The following CLVS1 variants were observed in gnomAD, a reference collection of about 807,000 sequenced individuals.
CLVS1 encodes the protein clavesin 1.
CLVS1 carries 10 observed loss-of-function variants against 33.1 expected under a neutral mutation model. The observed-to-expected ratio is 0.30, with a 90% CI of 0.19 to 0.51. CLVS1 has a LOEUF of 0.51. Among genes scored for constraint, CLVS1 ranks in the 20% least tolerant of loss-of-function variants. The pLI, the probability that CLVS1 is intolerant of heterozygous loss-of-function variation, is 0.97. For missense variants in CLVS1, 343 were observed against 433.4 expected (o/e 0.79, Z 1.85); for synonymous variants, 163 against 166.1 (o/e 0.98, Z 0.14).
chr8:61,026,026 C>G, the CLVS1 span, among the ~76,000 whole-genome samples: 15 of 151,946 alleles, frequency 9.9e-5, no homozygotes, highest in East Asian at 3.9e-4. Context: ...GTCCCACCCC[C>G]CTTCCCTCCC....
chr8:60,990,418 T>C, the CLVS1 span, among the ~76,000 whole-genome samples: 1 of 152,176 alleles, frequency 6.6e-6, no homozygotes, highest in Non-Finnish European at 1.5e-5. Context: ...ACAGATAAAA[T>C]GACATGATGT....
chr8:61,376,683 T>C lies in CLVS1; in HGVS notation c.534T>C (p.Asn178=). The change falls in exon 3 of 6, where the codon AAT becomes AAC. Residue 178 remains asparagine (N), a synonymous_variant. Coordinates refer to ENST00000325897, the MANE Select transcript of CLVS1 (RefSeq NM_173519.3). ...TCGAAGATCCGGAGCTTCAGATAAATGGCTTCATTTTAATTATAGACTGGA... is the reference window on the plus strand; with the variant it reads ...TCGAAGATCCGGAGCTTCAGATAAACGGCTTCATTTTAATTATAGACTGGA... The part of the protein sequence containing the change: ...VLIEDPELQI[N]GFILIIDWSN... The C allele has an allele frequency of 6.2e-7, 1 of 1,614,142 alleles. No homozygotes were observed. The highest frequency in any genetic ancestry group is 2.2e-5 in the East Asian group (1 of 44,872).
intron 2 of CLVS1, among the ~76,000 whole-genome samples, chr8:61,144,420 A>G (rs1249209400): frequency 3.3e-5 from 5 of 152,050 alleles, no homozygotes; most frequent in Non-Finnish European, 1.5e-5. Context: ...CATGGTGTAT[A>G]TGTGCCACAT....
At chr8:61,475,818 A>G (rs1817904746) in intron 5 of CLVS1, among the ~76,000 whole-genome samples, 1 of 152,048 alleles carries the variant, frequency 6.6e-6, no homozygotes, top group South Asian at 2.1e-4. Flanking sequence ...CCATTTGTCA[A>G]TTTTGTCTTT....
chr8:61,232,023 G>GTTTGTTTGTTTGTTTGTTTGTTTGTTTGT, intron 2 of CLVS1, among the ~76,000 whole-genome samples: 3 of 62,628 alleles, frequency 4.8e-5, no homozygotes, highest in African/African-American at 1.4e-4. Flanking sequence ...GAAAGTTGTG[G>GTTTGTTTGTTTGTTTGTTTGTTTGTTTGT]TTTTTTTTTT....
At chr8:61,308,344 C>T (rs2978565) in intron 2 of CLVS1, among the ~76,000 whole-genome samples, 8,778 of 152,198 alleles carry the variant, frequency 0.058, 343 homozygotes, top group Non-Finnish European at 0.087. Context: ...ACAAGCTCAT[C>T]CCAAAGGCAT....
chr8:61,295,456 C>T (rs539719132), intron 1 of CLVS1, among the ~76,000 whole-genome samples: 1 of 152,192 alleles, frequency 6.6e-6, no homozygotes, highest in South Asian at 2.1e-4. Flanking sequence ...CAGTCATCTT[C>T]CAATGAAGGA....
intron 2 of CLVS1, among the ~76,000 whole-genome samples, chr8:61,332,100 GA>G (rs1434305589): frequency 6.6e-6 from 1 of 152,194 alleles, no homozygotes; most frequent in Non-Finnish European, 1.5e-5. Context: ...CATCCTCTGA[GA>G]AAAGTACCCC....
chr8:61,337,430 GC>G (rs1388014004), intron 2 of CLVS1, among the ~76,000 whole-genome samples: 1 of 152,062 alleles, frequency 6.6e-6, no homozygotes, highest in Non-Finnish European at 1.5e-5. Flanking sequence ...CCTGGCTAAG[GC>G]TCTCCCACTG....
intron 2 of CLVS1, among the ~76,000 whole-genome samples, chr8:61,213,496 A>G (rs1300549419): frequency 6.7e-6 from 1 of 150,266 alleles, no homozygotes; most frequent in East Asian, 2.0e-4. Context: ...GTGCATTGTG[A>G]AGATTTCATG....
the CLVS1 span, among the ~76,000 whole-genome samples, chr8:60,969,242 TAGTC>T: frequency 2.0e-5 from 3 of 152,216 alleles, no homozygotes; most frequent in Non-Finnish European, 2.9e-5. Flanking sequence ...GGTTGGGGGT[TAGTC>T]AGGCAGTGTC....
At chr8:61,141,012 C>T (rs1473154447) in intron 2 of CLVS1, among the ~76,000 whole-genome samples, 1 of 152,118 alleles carries the variant, frequency 6.6e-6, no homozygotes, top group South Asian at 2.1e-4. Flanking sequence ...TGTGATCAGA[C>T]GGAACTGGGT....
At chr8:61,263,507 G>A (rs1809248171) in intron 2 of CLVS1, among the ~76,000 whole-genome samples, 1 of 152,176 alleles carries the variant, frequency 6.6e-6, no homozygotes, top group Non-Finnish European at 1.5e-5. Flanking sequence ...TCCTTTCGTC[G>A]GCTCTTATTT....
At chr8:61,449,074 G>A (rs1456765612) in intron 3 of CLVS1, among the ~76,000 whole-genome samples, 1 of 151,926 alleles carries the variant, frequency 6.6e-6, no homozygotes, top group Non-Finnish European at 1.5e-5. Flanking sequence ...AGTGAAAGTG[G>A]GGTGTGCTGC....
At chr8:61,095,464 A>G (rs1275957280) in intron 1 of CLVS1, among the ~76,000 whole-genome samples, 1 of 152,156 alleles carries the variant, frequency 6.6e-6, no homozygotes, top group Non-Finnish European at 1.5e-5. Flanking sequence ...AAGTCCACAC[A>G]GGGCGCGCCT....
intron 5 of CLVS1, among the ~76,000 whole-genome samples, chr8:61,475,802 T>C (rs1817904135): frequency 6.6e-6 from 1 of 152,214 alleles, no homozygotes; most frequent in Non-Finnish European, 1.5e-5. Flanking sequence ...TTAGTTTAAT[T>C]AGATACCATT....
At chr8:61,231,560 G>A (rs1237403260) in intron 2 of CLVS1, among the ~76,000 whole-genome samples, 1 of 150,648 alleles carries the variant, frequency 6.6e-6, no homozygotes, top group Non-Finnish European at 1.5e-5. Context: ...CCACCTCCCT[G>A]GCACAAGGAG....
chr8:61,171,050 C>T (rs983127171), intron 2 of CLVS1, among the ~76,000 whole-genome samples: 10 of 151,314 alleles, frequency 6.6e-5, no homozygotes, highest in African/African-American at 2.4e-4. Flanking sequence ...CTTTTTTTCA[C>T]AAGTTTCCAT....
intron 2 of CLVS1, among the ~76,000 whole-genome samples, chr8:61,347,685 C>A (rs1585836542): frequency 1.3e-5 from 1 of 77,322 alleles, no homozygotes; most frequent in South Asian, 4.8e-4. Flanking sequence ...TATATATATC[C>A]TGAAGTATAC....
Sources: gnomAD v4.1 joint callset for allele counts (sites outside exome capture counted in the v4.1 genomes callset) on GRCh38, gnomAD v4.1.1 for gene constraint, MANE v1.5 for transcripts, NCBI Gene and HGNC (gene_info 2026-07-23, HGNC 2026-07-21) for gene names.